The following USH2A variants were observed in gnomAD, a reference collection of about 807,000 sequenced individuals.
USH2A encodes the protein Usher syndrome 2A (autosomal recessive, mild).
Under a neutral mutation model 538.9 loss-of-function variants are expected in USH2A, and 443 were observed. The observed-to-expected ratio is 0.82, with a 90% CI of 0.76 to 0.89. The LOEUF is 0.89. Among genes scored for constraint, USH2A ranks in the 40% least tolerant of loss-of-function variants. The probability of loss-of-function intolerance (pLI) is 0.00; values close to 1 mark genes in which losing one functional copy is unlikely to be tolerated. For missense variants in USH2A, 6,633 were observed against 6,324.8 expected (o/e 1.05, Z -1.65); for synonymous variants, 2,413 against 2,273.5 (o/e 1.06, Z -1.75).
rs1661947846 is a variant in USH2A, at chr1:215,790,343, G to A, written c.9959-61C>T. 54 of 1,579,170 alleles carry A rather than the reference G, an allele frequency of 3.4e-5. 1 individual carries two copies. The South Asian group carries it at 5.9e-4, about 17-fold the overall frequency. The stretch of plus-strand genomic sequence containing the variant: ...AGAAAAAGGGAAGAAAACTGAGGCT[G>A]CTATAAAGTTTGGTATAAAAATGTC... On this transcript the variant is annotated intron_variant, in intron 50 of 71. Transcript: ENST00000307340.
chr1:216,039,154 C>T (rs190023218), intron 32 of USH2A, among the ~76,000 whole-genome samples: 16 of 152,058 alleles, frequency 1.1e-4, no homozygotes, highest in African/African-American at 3.4e-4. Context: ...TCATTTGACC[C>T]TTTGTTGCTC....
At chr1:215,716,202 C>CG (rs1055343084) in intron 61 of USH2A, among the ~76,000 whole-genome samples, 11 of 81,690 alleles carry the variant, frequency 1.3e-4, no homozygotes, top group East Asian at 6.6e-4. Context: ...GGAAGGGGGG[C>CG]GGGGGGGCCC....
At chr1:216,274,967 TA>T (rs778033713) in intron 11 of USH2A, among the ~76,000 whole-genome samples, 16 of 152,094 alleles carry the variant, frequency 1.1e-4, no homozygotes, top group Non-Finnish European at 1.9e-4. Context: ...AGGAAAGGAA[TA>T]TTTTTTTCTC....
In USH2A at chr1:216,199,974, C is replaced by A. The variant is rs760702994; in HGVS notation, c.3464G>T (p.Ser1155Ile). The A allele has an allele frequency of 6.2e-7, 1 of 1,614,086 alleles. No homozygotes were observed. The change falls in exon 17 of 72, where the codon AGT (serine) becomes ATT (isoleucine). Residue 1155 changes from serine (S) to isoleucine (I), a missense_variant. Coordinates refer to ENST00000307340, the MANE Select transcript of USH2A (RefSeq NM_206933.4). ...PGVPEGNLTL[S>I]YIIPIGSDSV... ...GTCTGAGCCAATAGGAATGATATAACTTAAAGTCAAGTTTCCCTCTGGGAC... is the reference window on the plus strand; with the variant it reads ...GTCTGAGCCAATAGGAATGATATAAATTAAAGTCAAGTTTCCCTCTGGGAC...
chr1:215,913,557 A>C (rs1008473337), intron 38 of USH2A, among the ~76,000 whole-genome samples: 1 of 152,110 alleles, frequency 6.6e-6, no homozygotes, highest in African/African-American at 2.4e-5. Context: ...TCTGAAATGT[A>C]TACGAAGGAG....
At position 215,983,181 on chromosome 1, in the gene USH2A, T is replaced by A. The variant is rs376874717; in HGVS notation, c.6805+9839A>T. The stretch of plus-strand genomic sequence containing the variant: ...GGCCAGGCTGGTCTTGAACTCCTGA[T>A]GAACTCCTGACCCCAGGTGATACAC... On this transcript the variant is annotated intron_variant, in intron 35 of 71. Coordinates refer to ENST00000307340, the MANE Select transcript of USH2A (RefSeq NM_206933.4). Among the ~76,000 whole-genome samples, 4 of 152,076 alleles carry A rather than the reference T, an allele frequency of 2.6e-5. No homozygotes were observed. The East Asian group carries it at 7.8e-4, about 30-fold the overall frequency.
chr1:216,114,214 GTATT>G (rs1266615169), intron 21 of USH2A, among the ~76,000 whole-genome samples: 1 of 151,760 alleles, frequency 6.6e-6, no homozygotes, highest in African/African-American at 2.4e-5. Context: ...TTATTTTTAT[GTATT>G]TATTTATAGC....
chr1:216,253,018 T>C (rs2036192911), intron 11 of USH2A, among the ~76,000 whole-genome samples: 1 of 152,198 alleles, frequency 6.6e-6, no homozygotes, highest in African/African-American at 2.4e-5. Flanking sequence ...TGGACATATG[T>C]GATGTTTCCG....
intron 4 of USH2A, among the ~76,000 whole-genome samples, chr1:216,338,614 A>G (rs2102675148): frequency 6.6e-6 from 1 of 151,690 alleles, no homozygotes; most frequent in East Asian, 1.9e-4. Flanking sequence ...AAAAATTTTA[A>G]AAGTCAAACC....
At chr1:215,927,751 A>G (rs1287551855) in intron 38 of USH2A, among the ~76,000 whole-genome samples, 6 of 152,062 alleles carry the variant, frequency 3.9e-5, no homozygotes, top group Admixed American at 3.9e-4. Context: ...CTGCACATGT[A>G]CCCCTAAACA....
rs747624398 is a variant in USH2A at position 215,629,042 on chromosome 1, A to G, written c.15298-7T>C. ...TTTTGGTATCGGCTAACCCCTGAGA[A>G]GGAAGTTGCTGTGAGTATTTCACAT... On this transcript the variant is annotated splice_polypyrimidine_tract_variant and splice_region_variant and intron_variant, in intron 70 of 71. Transcript: ENST00000307340. 5 of 1,612,238 alleles carry G rather than the reference A, an allele frequency of 3.1e-6. No homozygotes were observed. In the African/African-American group the frequency reaches 6.7e-5, roughly 22 times the overall value.
rs776924730 is a variant in USH2A at position 215,650,674 on chromosome 1, T to A, written c.14261A>T (p.Asn4754Ile). ...HVISSTQAVV[N>I]ISAPGKPNGI... ...GTTGGGCTTCCCAGGGGCACTGATG[T>A]TGACCACTGCTTGGGTAGAAGAGAT... is the stretch of plus-strand genomic sequence containing the variant. The change falls in exon 65 of 72, where the codon AAC becomes ATC. Residue 4754 changes from asparagine (N) to isoleucine (I), a missense_variant. Transcript: ENST00000307340. 2 of 1,614,012 alleles carry A rather than the reference T, an allele frequency of 1.2e-6. No homozygotes were observed. Among genetic ancestry groups the A allele is most frequent in the African/African-American group, 2.7e-5 (2 of 74,914 alleles).
intron 11 of USH2A, among the ~76,000 whole-genome samples, chr1:216,261,044 T>C (rs1571633086): frequency 1.3e-5 from 2 of 152,134 alleles, no homozygotes; most frequent in African/African-American, 4.8e-5. Flanking sequence ...TTACCATTTC[T>C]CTACAGAATA....
At chr1:215,742,269 C>A (rs921122209) in intron 59 of USH2A, among the ~76,000 whole-genome samples, 1 of 152,044 alleles carries the variant, frequency 6.6e-6, no homozygotes, top group Non-Finnish European at 1.5e-5. Context: ...AACAGAAATT[C>A]CTAAGGACAT....
chr1:215,837,199 G>C (rs539846088), intron 47 of USH2A, among the ~76,000 whole-genome samples: 2 of 152,188 alleles, frequency 1.3e-5, no homozygotes, highest in South Asian at 2.1e-4. Context: ...ACATGTCATA[G>C]AGAAATCCTT....
chr1:216,175,500 C>T lies in USH2A; in HGVS notation c.4397-18G>A, dbSNP rs900596663. 3.7e-6 allele frequency: 6 copies of T among 1,612,296 alleles called. No homozygotes were observed. Among genetic ancestry groups the T allele is most frequent in the Non-Finnish European group, 5.1e-6 (6 of 1,178,812 alleles). On this transcript the variant is annotated intron_variant, in intron 20 of 71. Coordinates refer to ENST00000307340, the MANE Select transcript of USH2A (RefSeq NM_206933.4). ...TGCTGGTGCTAAATATTAGAAAACA[C>T]CTGTTATATTCAAGAATTTGGTTTC...
At chr1:216,022,834 C>T (rs1224172829) in intron 32 of USH2A, among the ~76,000 whole-genome samples, 1 of 152,108 alleles carries the variant, frequency 6.6e-6, no homozygotes, top group Non-Finnish European at 1.5e-5. Flanking sequence ...TTCCACCTGG[C>T]ACAGCAGTGG....
At chr1:216,287,346 T>G (rs2036905421) in intron 11 of USH2A, among the ~76,000 whole-genome samples, 1 of 152,226 alleles carries the variant, frequency 6.6e-6, no homozygotes, top group African/African-American at 2.4e-5. Flanking sequence ...TGCTTATAAA[T>G]GGTACAGTCT....
rs373965999 is a variant in USH2A at position 215,813,751 on chromosome 1, C to T, written c.9724G>A (p.Ala3242Thr). Residue 3242 changes from alanine to threonine, a missense_variant, in exon 49 of 72, where the codon GCT (alanine) becomes ACT (threonine). Ala to Thr is a moderately conservative substitution (Grantham distance 58). Coordinates refer to ENST00000307340, the MANE Select transcript of USH2A (RefSeq NM_206933.4). Reference protein sequence around the residue: ...PNHQCCSGYYARILPGEVCCP... With the variant: ...PNHQCCSGYYTRILPGEVCCP... ...TAACCCTCACCTGGTAGAATTCTAG[C>T]GTAATACCCAGAGCAGCACTGATGA... is the stretch of plus-strand genomic sequence containing the variant. 19 of 1,613,666 alleles carry T rather than the reference C, an allele frequency of 1.2e-5. No homozygotes were observed. Among genetic ancestry groups the T allele is most frequent in the African/African-American group, 5.3e-5 (4 of 74,862 alleles).
Sources: gnomAD v4.1 joint callset for allele counts (sites outside exome capture counted in the v4.1 genomes callset) on GRCh38, gnomAD v4.1.1 for gene constraint, MANE v1.5 for transcripts, NCBI Gene and HGNC (gene_info 2026-07-23, HGNC 2026-07-21) for gene names.